LARP1B: variants seen among roughly 807,000 people sequenced by gnomAD.
LARP1B encodes the protein la-related protein 1B.
LARP1B carries 76 observed loss-of-function variants against 114.2 expected under a neutral mutation model. The observed-to-expected ratio is 0.67, with a 90% CI of 0.55 to 0.81. LARP1B has a LOEUF of 0.81. Among genes scored for constraint, LARP1B ranks in the 30% least tolerant of loss-of-function variants. The probability of loss-of-function intolerance (pLI) is 0.00; values close to 1 mark genes in which losing one functional copy is unlikely to be tolerated. For missense variants in LARP1B, 1,014 were observed against 1,075.8 expected, an observed-to-expected ratio of 0.94 and a Z score of 0.80; for synonymous variants, 345 against 348.0, an observed-to-expected ratio of 0.99 and a Z score of 0.10.
chr4:128,073,586 T>TGTTG (rs1254416096), intron 1 of LARP1B, among the ~76,000 whole-genome samples: 17 of 29,636 alleles, frequency 5.7e-4, no homozygotes, highest in Admixed American at 2.7e-3. Flanking sequence ...TTTTTTTTTT[T>TGTTG]TTTTTTTTTT....
intron 7 of LARP1B, among the ~76,000 whole-genome samples, chr4:128,091,836 A>G (rs1427186108): frequency 6.6e-6 from 1 of 152,138 alleles, no homozygotes; most frequent in African/African-American, 2.4e-5. Flanking sequence ...GCCTCAGCTG[A>G]TCTGCCCACC....
chr4:128,191,170 C>T (rs947898118), intron 15 of LARP1B, among the ~76,000 whole-genome samples: 2 of 150,950 alleles, frequency 1.3e-5, no homozygotes, highest in Non-Finnish European at 2.9e-5. Flanking sequence ...TTAATTGCTT[C>T]TCTGTGTTAT....
intron 12 of LARP1B, among the ~76,000 whole-genome samples, chr4:128,166,954 CTCTCTCTCTCTCTCTCTATA>C (rs1435787408): frequency 2.6e-5 from 3 of 113,870 alleles, no homozygotes; most frequent in Non-Finnish European, 3.7e-5. Context: ...CTCTCTCTCT[CTCTCTCTCTCTCTCTCTATA>C]TATATATATA....
At chr4:128,086,358 C>G (rs930549480) in intron 5 of LARP1B, among the ~76,000 whole-genome samples, 4 of 151,886 alleles carry the variant, frequency 2.6e-5, no homozygotes, top group African/African-American at 9.7e-5. Flanking sequence ...GAGACAGGGT[C>G]TCACTCTGTC....
At chr4:128,064,911 A>C (rs1351238166) in intron 1 of LARP1B, among the ~76,000 whole-genome samples, 1 of 152,036 alleles carries the variant, frequency 6.6e-6, no homozygotes, top group Non-Finnish European at 1.5e-5. Context: ...CACGTTTAAA[A>C]TAATAATATT....
downstream of LARP1B, among the ~76,000 whole-genome samples, chr4:128,212,463 A>T (rs1173711344): frequency 6.6e-6 from 1 of 151,690 alleles, no homozygotes; most frequent in Non-Finnish European, 1.5e-5. Flanking sequence ...GGCCAACATG[A>T]TGTGAAACCC....
At position 128,061,793 on chromosome 4, in the gene LARP1B, G is replaced by A. The variant is rs532857380; in HGVS notation, c.-78+392G>A. ...GCTGTTGGCCGCGGCGAACCGGCCG[G>A]CCGAGCAGCCGCCCCCGCCCGAATG... is the stretch of plus-strand genomic sequence containing the variant. On this transcript the variant is annotated intron_variant, in intron 1 of 19. Coordinates refer to ENST00000326639, the MANE Select transcript of LARP1B (RefSeq NM_018078.4). 27 of 984,930 alleles carry A rather than the reference G, an allele frequency of 2.7e-5. No individual in the cohort carries two copies. In the East Asian group the frequency reaches 2.7e-3, roughly 100 times the overall value. The allele number at this position is 984,930 out of a possible 1,614,324, so 61.0% of individuals were successfully genotyped here. A position where few individuals can be genotyped will look rare whatever the true frequency, so the allele number is the denominator to read the frequency against.
intron 1 of LARP1B, chr4:128,061,730 C>A: frequency 5.1e-6 from 5 of 984,974 alleles, no homozygotes; most frequent in Non-Finnish European, 6.0e-6. Flanking sequence ...CGCCCATTCT[C>A]GGGAGGATCC....
intron 15 of LARP1B, among the ~76,000 whole-genome samples, chr4:128,180,783 T>C (rs182429033): frequency 1.3e-5 from 2 of 152,350 alleles, no homozygotes; most frequent in Admixed American, 6.5e-5. Flanking sequence ...AGGAGCATGA[T>C]TGCTGGATTG....
At chr4:128,105,097 G>A (rs1298754911) in intron 8 of LARP1B, among the ~76,000 whole-genome samples, 2 of 151,602 alleles carry the variant, frequency 1.3e-5, no homozygotes, top group African/African-American at 2.4e-5. Context: ...TACATTCAGG[G>A]ATAGATAATA....
intron 8 of LARP1B, among the ~76,000 whole-genome samples, chr4:128,106,258 G>C (rs543002150): frequency 1.3e-5 from 2 of 152,136 alleles, no homozygotes; most frequent in South Asian, 4.2e-4. Context: ...TCCTGACCTC[G>C]TGATCCACCC....
intron 12 of LARP1B, among the ~76,000 whole-genome samples, chr4:128,167,066 A>G (rs1581211803): frequency 6.7e-6 from 1 of 149,266 alleles, no homozygotes; most frequent in African/African-American, 2.5e-5. Flanking sequence ...ACACATATAC[A>G]CACACACACA....
chr4:128,147,419 G>A (rs1051586288), intron 11 of LARP1B, among the ~76,000 whole-genome samples: 3 of 152,138 alleles, frequency 2.0e-5, no homozygotes, highest in Non-Finnish European at 4.4e-5. Flanking sequence ...TTGATTATTA[G>A]GCAATATTTG....
intron 15 of LARP1B, among the ~76,000 whole-genome samples, chr4:128,194,107 A>G (rs1753198354): frequency 6.7e-6 from 1 of 150,364 alleles, no homozygotes; most frequent in African/African-American, 2.4e-5. Flanking sequence ...AGTTTCACTC[A>G]TGTCGCCCAG....
In LARP1B at chr4:128,179,940, T is replaced by A. The variant is rs548082275; in HGVS notation, c.2003+428T>A. 3.9e-5 allele frequency among the ~76,000 whole-genome samples: 6 copies of A among 152,226 alleles called. No homozygotes were observed. In the South Asian group the frequency reaches 1.0e-3, roughly 26 times the overall value. ...TTTTTCCCCCTTTTTTGAAAATCATTAAGATTAGCTGATTATTAGCAGGAA... is the reference window on the plus strand; with the variant it reads ...TTTTTCCCCCTTTTTTGAAAATCATAAAGATTAGCTGATTATTAGCAGGAA... On this transcript the variant is annotated intron_variant, in intron 15 of 19. Transcript: ENST00000326639.
At chr4:128,166,966 C>CTA (rs1264850222) in intron 12 of LARP1B, among the ~76,000 whole-genome samples, 271 of 87,828 alleles carry the variant, frequency 3.1e-3, no homozygotes, top group African/African-American at 0.011. Flanking sequence ...CTCTCTCTCT[C>CTA]TCTCTATATA....
At chr4:128,073,771 A>T (rs954955426) in intron 1 of LARP1B, among the ~76,000 whole-genome samples, 1 of 149,600 alleles carries the variant, frequency 6.7e-6, no homozygotes, top group Non-Finnish European at 1.5e-5. Context: ...TTCTATTTTT[A>T]GTAGAGATGG....
chr4:128,179,244 C>A, intron 14 of LARP1B, 162 bp from the exon 15 acceptor site: 1 of 441,726 alleles, frequency 2.3e-6, no homozygotes, highest in Non-Finnish European at 4.0e-6. Context: ...AGTTTTGTAA[C>A]TTGTGTGTGA....
In LARP1B at chr4:128,158,827, TC is replaced by T. The variant is rs200862060; in HGVS notation, c.1525-3364del. Reference sequence around the variant, plus strand: ...CAGAGAGGTACTGTGTACCGTCACTTCCCTTCAAAAGTCACATCTTATATAT... The same window carrying T: ...CAGAGAGGTACTGTGTACCGTCACTTCCTTCAAAAGTCACATCTTATATAT... On this transcript the variant is annotated intron_variant, in intron 11 of 19. Coordinates refer to ENST00000326639, the MANE Select transcript of LARP1B (RefSeq NM_018078.4). Among the ~76,000 whole-genome samples the T allele has an allele frequency of 5.7e-3, 860 of 152,194 alleles. 4 individuals carry two copies. The highest frequency in any genetic ancestry group is 0.011 in the Non-Finnish European group (718 of 68,008).
Sources: gnomAD v4.1 joint callset for allele counts (sites outside exome capture counted in the v4.1 genomes callset) on GRCh38, gnomAD v4.1.1 for gene constraint, MANE v1.5 for transcripts, NCBI Gene and HGNC (gene_info 2026-07-23, HGNC 2026-07-21) for gene names.